The following ZNF638 variants were observed in gnomAD, a reference collection of about 807,000 sequenced individuals.
The protein encoded by ZNF638 is CTCL tumor antigen se33-1.
In ZNF638, 46 loss-of-function variants were observed where a neutral mutation model predicts 195.6. That is an observed-to-expected ratio of 0.24 (90% CI 0.19 to 0.30). The LOEUF (loss-of-function observed/expected upper bound fraction) is 0.30, where lower values mean the gene tolerates loss of function less well. Ranked by LOEUF, ZNF638 falls within the 10% of genes least tolerant of loss-of-function variation. ZNF638 has a pLI of 1.00. For synonymous variants in ZNF638, 845 were observed against 772.0 expected (o/e 1.09, Z -1.57); for missense variants, 2,440 against 2,325.3 (o/e 1.05, Z -1.01).
chr2:71,395,951 T>G, intron 10 of ZNF638, 190 bp from the exon 11 acceptor site: 1 of 618,142 alleles, frequency 1.6e-6, no homozygotes, highest in Non-Finnish European at 2.8e-6. Flanking sequence ...AATTTAAATC[T>G]GTATGCCTTT....
At chr2:71,344,534 T>G (rs1333899661) in intron 1 of ZNF638, among the ~76,000 whole-genome samples, 1 of 152,214 alleles carries the variant, frequency 6.6e-6, no homozygotes, top group Admixed American at 6.5e-5. Flanking sequence ...ATATCTTTGG[T>G]CAGTAATTAT....
chr2:71,431,282 C>A, intron 25 of ZNF638, 45 bp from the exon 26 acceptor site: 1 of 1,510,486 alleles, frequency 6.6e-7, no homozygotes. Flanking sequence ...TTTACAAAGT[C>A]TGTAAATCTA....
chr2:71,422,205 A>T (rs1234246558), intron 21 of ZNF638, among the ~76,000 whole-genome samples: 1 of 152,148 alleles, frequency 6.6e-6, no homozygotes, highest in Non-Finnish European at 1.5e-5. Flanking sequence ...TTAAATCCTC[A>T]ATAGAGTATA....
chr2:71,425,165 G>T (rs188186811), intron 23 of ZNF638, among the ~76,000 whole-genome samples: 11 of 152,228 alleles, frequency 7.2e-5, no homozygotes, highest in African/African-American at 2.6e-4. Flanking sequence ...ACCAAGTTCT[G>T]TTGTCAAACA....
At position 71,434,855 on chromosome 2, in the gene ZNF638, G is replaced by T; in HGVS notation, c.*48G>T. 6.8e-7 allele frequency: 1 copy of T among 1,473,344 alleles called. No homozygotes were observed. The highest frequency in any genetic ancestry group is 9.2e-7 in the Non-Finnish European group (1 of 1,084,830). The allele number at this position is 1,473,344 out of a possible 1,614,324, so 91.3% of individuals were successfully genotyped here. The stretch of plus-strand genomic sequence containing the variant: ...CTAGAAATTTGTTTAGGGTCCAGTT[G>T]ATTTGTGTATTTTTGTTATCATTTA... On this transcript the variant is annotated 3_prime_UTR_variant, in exon 28 of 28. Coordinates refer to ENST00000264447, the MANE Select transcript of ZNF638 (RefSeq NM_014497.5).
At chr2:71,419,519 T>C (rs951199143) in intron 21 of ZNF638, among the ~76,000 whole-genome samples, 5 of 152,218 alleles carry the variant, frequency 3.3e-5, no homozygotes, top group Admixed American at 2.6e-4. Context: ...CAGATTATTT[T>C]AGTTGACAAA....
chr2:71,369,804 A>G (rs1351883744), intron 7 of ZNF638, 79 bp from the exon 8 acceptor site: 2 of 1,395,360 alleles, frequency 1.4e-6, no homozygotes, highest in Non-Finnish European at 1.9e-6. Flanking sequence ...GTTACAAAAG[A>G]AAGGATTAAG....
At chr2:71,348,359 C>T (rs978603322) in intron 1 of ZNF638, 8 of 946,304 alleles carry the variant, frequency 8.5e-6, no homozygotes, top group Non-Finnish European at 1.0e-5. Flanking sequence ...ATTTGTATAT[C>T]TGATAACATG....
chr2:71,417,431 C>T (rs1011779375), intron 20 of ZNF638, among the ~76,000 whole-genome samples: 2 of 151,954 alleles, frequency 1.3e-5, no homozygotes, highest in Non-Finnish European at 2.9e-5. Flanking sequence ...AGAAATCACC[C>T]GTCTTCTGCG....
intron 3 of ZNF638, among the ~76,000 whole-genome samples, chr2:71,358,048 GT>G (rs1455696256): frequency 4.6e-5 from 7 of 152,154 alleles, no homozygotes; most frequent in Admixed American, 4.6e-4. Flanking sequence ...GGGAAAATCT[GT>G]TCCATGCTTC....
At chr2:71,397,663 C>G (rs185914095) in intron 11 of ZNF638, among the ~76,000 whole-genome samples, 1 of 152,128 alleles carries the variant, frequency 6.6e-6, no homozygotes, top group South Asian at 2.1e-4. Context: ...GATTTTTTAT[C>G]TTGGGCTTTT....
intron 19 of ZNF638, among the ~76,000 whole-genome samples, 197 bp downstream of exon 19, chr2:71,406,459 C>T (rs760042269): frequency 6.6e-6 from 1 of 152,076 alleles, no homozygotes; most frequent in African/African-American, 2.4e-5. Context: ...TTCAGAACTC[C>T]TAGTTTTTAA....
intron 25 of ZNF638, among the ~76,000 whole-genome samples, chr2:71,429,866 T>G (rs952495901): frequency 6.6e-6 from 1 of 152,236 alleles, no homozygotes; most frequent in Non-Finnish European, 1.5e-5. Context: ...CAAGTCATGG[T>G]CAAGTGGGTA....
Position 71,426,362 on chromosome 2 carries a change from C to T in ZNF638, c.4591-98C>T, listed in dbSNP as rs1573172041. The T allele has an allele frequency of 6.7e-6, 6 of 899,150 alleles. No homozygotes were observed. The East Asian group carries it at 1.5e-4, about 23-fold the overall frequency. The allele number at this position is 899,150 out of a possible 1,614,324, so 55.7% of individuals were successfully genotyped here. A position where few individuals can be genotyped will look rare whatever the true frequency, so the allele number is the denominator to read the frequency against. On this transcript the variant is annotated intron_variant, in intron 23 of 27. Coordinates refer to ENST00000264447, the MANE Select transcript of ZNF638 (RefSeq NM_014497.5). ...AGGAAAACTAATTTGCACTGAAATT[C>T]TCCCAAATGATCTGCATGCACATTT... is the stretch of plus-strand genomic sequence containing the variant.
intron 11 of ZNF638, among the ~76,000 whole-genome samples, chr2:71,396,727 C>G (rs957420704): frequency 6.6e-6 from 1 of 152,128 alleles, no homozygotes; most frequent in African/African-American, 2.4e-5. Context: ...GGTGGATCAC[C>G]TGAAGTCAGG....
chr2:71,369,750 A>G, intron 7 of ZNF638, 133 bp from the exon 8 acceptor site: 2 of 818,442 alleles, frequency 2.4e-6, no homozygotes, highest in Non-Finnish European at 3.7e-6. Flanking sequence ...CAAAATAAAA[A>G]CAGGCAAAAG....
chr2:71,333,954 C>G (rs1200161244), intron 1 of ZNF638, among the ~76,000 whole-genome samples: 2 of 152,276 alleles, frequency 1.3e-5, no homozygotes, highest in East Asian at 3.9e-4. Flanking sequence ...TGTGGGTATT[C>G]TCTTCTAATT....
intron 26 of ZNF638, among the ~76,000 whole-genome samples, chr2:71,432,053 A>C (rs921386607): frequency 6.6e-6 from 1 of 152,216 alleles, no homozygotes. Context: ...AACATGCTGC[A>C]AATCTTTGCT....
chr2:71,375,778 A>G (rs1326746440), intron 8 of ZNF638: 1 of 152,244 alleles, frequency 6.6e-6, no homozygotes, highest in African/African-American at 2.4e-5. Flanking sequence ...AGGCAAAGAA[A>G]GCCTAGCAGA....
Sources: gnomAD v4.1 joint callset for allele counts (sites outside exome capture counted in the v4.1 genomes callset) on GRCh38, gnomAD v4.1.1 for gene constraint, MANE v1.5 for transcripts, NCBI Gene and HGNC (gene_info 2026-07-23, HGNC 2026-07-21) for gene names.